IKBKB-DT: variants seen among roughly 807,000 people sequenced by gnomAD.
IKBKB-DT encodes the protein IKBKB divergent transcript.
chr8:42,244,322 G>A (rs1383836634), intron 3 of IKBKB-DT, among the ~76,000 whole-genome samples: 1 of 152,110 alleles, frequency 6.6e-6, no homozygotes, highest in Non-Finnish European at 1.5e-5. Flanking sequence ...GAAGATCTTG[G>A]AACAGAGCCC....
chr8:42,242,108 AG>A (rs1807012254), intron 3 of IKBKB-DT, among the ~76,000 whole-genome samples: 1 of 152,102 alleles, frequency 6.6e-6, no homozygotes, highest in Non-Finnish European at 1.5e-5. Context: ...TCAGCTACTC[AG>A]GAGGCTGAGG....
At chr8:42,253,174 TA>T (rs767914368) in intron 3 of IKBKB-DT, among the ~76,000 whole-genome samples, 31 of 152,242 alleles carry the variant, frequency 2.0e-4, no homozygotes, top group Middle Eastern at 3.2e-3. Flanking sequence ...CACAATCTTT[TA>T]TCTTAACCTG....
intron 3 of IKBKB-DT, among the ~76,000 whole-genome samples, chr8:42,234,013 A>G (rs145836665): frequency 0.015 from 2,308 of 152,198 alleles, 64 homozygotes; most frequent in African/African-American, 0.053. Flanking sequence ...CTAAACCATA[A>G]TTTCTAATCT....
intron 3 of IKBKB-DT, among the ~76,000 whole-genome samples, chr8:42,254,224 G>GT (rs370564351): frequency 1.3e-5 from 2 of 152,034 alleles, no homozygotes; most frequent in Admixed American, 1.3e-4. Flanking sequence ...GTGCATAATA[G>GT]TTTTTTTTAC....
At chr8:42,264,923 C>T (rs1000796496) in intron 2 of IKBKB-DT, among the ~76,000 whole-genome samples, 4 of 150,768 alleles carry the variant, frequency 2.7e-5, no homozygotes, top group South Asian at 2.1e-4. Flanking sequence ...AGTGCAATGG[C>T]GCCATCTCTG....
chr8:42,266,848 T>G (rs1391828418), intron 1 of IKBKB-DT, among the ~76,000 whole-genome samples: 3 of 151,860 alleles, frequency 2.0e-5, no homozygotes, highest in Non-Finnish European at 2.9e-5. Context: ...GTTACCCTAT[T>G]TGGTCTAAAA....
intron 3 of IKBKB-DT, among the ~76,000 whole-genome samples, chr8:42,244,870 C>T (rs1339972552): frequency 6.6e-6 from 1 of 152,188 alleles, no homozygotes; most frequent in Non-Finnish European, 1.5e-5. Context: ...GGAAAAAGCT[C>T]TTCTGTGGCA....
chr8:42,234,533 T>C (rs947517288), intron 3 of IKBKB-DT, among the ~76,000 whole-genome samples: 6 of 152,234 alleles, frequency 3.9e-5, no homozygotes, highest in African/African-American at 1.4e-4. Context: ...TGTGTCTGAC[T>C]GCATTTGCCT....
intron 3 of IKBKB-DT, among the ~76,000 whole-genome samples, chr8:42,237,525 T>C (rs769173173): frequency 1.3e-5 from 2 of 152,194 alleles, no homozygotes; most frequent in Non-Finnish European, 2.9e-5. Flanking sequence ...TTTCTAGGGT[T>C]CCCTTGGTCA....
chr8:42,251,828 C>CAAAAAA (rs59420104), intron 3 of IKBKB-DT, among the ~76,000 whole-genome samples: 8 of 91,462 alleles, frequency 8.7e-5, no homozygotes, highest in African/African-American at 3.1e-4. Context: ...GACTCCATCT[C>CAAAAAA]AAAAAAAAAA....
At position 42,261,307 on chromosome 8, in the gene IKBKB-DT, G is replaced by A. The variant is rs114937149; in HGVS notation, n.1529+2022C>T. On this transcript the variant is annotated intron_variant and non_coding_transcript_variant, in intron 3 of 3. Coordinates refer to ENST00000518213, the Ensembl canonical transcript of IKBKB-DT. ...CACGCAACTGCACTCCAGCCTGGGTGACAGTGAGACCCTATTCACCTCCCC... is the reference window on the plus strand; with the variant it reads ...CACGCAACTGCACTCCAGCCTGGGTAACAGTGAGACCCTATTCACCTCCCC... Among the ~76,000 whole-genome samples, 1,429 of 152,220 alleles carry A rather than the reference G, an allele frequency of 9.4e-3. 34 individuals are homozygous for A. Among genetic ancestry groups the A allele is most frequent in the African/African-American group, 0.032 (1,319 of 41,536 alleles).
At chr8:42,244,016 G>A (rs191495499) in intron 3 of IKBKB-DT, among the ~76,000 whole-genome samples, 14 of 152,318 alleles carry the variant, frequency 9.2e-5, no homozygotes, top group Admixed American at 2.6e-4. Context: ...CTGTATGCCC[G>A]ATTGTCTATA....
chr8:42,245,809 G>A (rs934984861), intron 3 of IKBKB-DT, among the ~76,000 whole-genome samples: 3 of 152,170 alleles, frequency 2.0e-5, no homozygotes, highest in Non-Finnish European at 2.9e-5. Context: ...ACTTTCTGAA[G>A]CAGCCATTTC....
chr8:42,237,015 C>T (rs1057461345), intron 3 of IKBKB-DT, among the ~76,000 whole-genome samples: 14 of 151,880 alleles, frequency 9.2e-5, no homozygotes, highest in African/African-American at 1.5e-4. Flanking sequence ...CCACCACACC[C>T]GGCCAATGTA....
At chr8:42,264,295 T>C (rs1215389722) in intron 2 of IKBKB-DT, among the ~76,000 whole-genome samples, 1 of 152,000 alleles carries the variant, frequency 6.6e-6, no homozygotes, top group African/African-American at 2.4e-5. Flanking sequence ...TAGCTGGGAC[T>C]ACAGGCACGA....
At chr8:42,237,793 A>C (rs894641279) in intron 3 of IKBKB-DT, among the ~76,000 whole-genome samples, 1 of 151,938 alleles carries the variant, frequency 6.6e-6, no homozygotes, top group Admixed American at 6.6e-5. Context: ...GGAGGCCAAG[A>C]CAGGAGGATT....
chr8:42,268,615 G>A (rs1035932178), intron 1 of IKBKB-DT, among the ~76,000 whole-genome samples: 2 of 149,518 alleles, frequency 1.3e-5, no homozygotes, highest in African/African-American at 4.9e-5. Flanking sequence ...CGCCCACGTT[G>A]TAGTGCACTG....
chr8:42,251,045 G>A (rs1337932756), intron 3 of IKBKB-DT, among the ~76,000 whole-genome samples: 1 of 116,846 alleles, frequency 8.6e-6, no homozygotes, highest in Non-Finnish European at 1.6e-5. Flanking sequence ...AGGAGCTCGA[G>A]ACCAGCCTGG....
At chr8:42,271,093 A>C in exon 1 of IKBKB-DT, 1 of 413,660 alleles carries the variant, frequency 2.4e-6, no homozygotes, top group African/African-American at 2.2e-5. Flanking sequence ...ACAGGGTGTA[A>C]CGGGGGTCAT....
Sources: gnomAD v4.1 joint callset for allele counts (sites outside exome capture counted in the v4.1 genomes callset) on GRCh38, gnomAD v4.1.1 for gene constraint, MANE v1.5 for transcripts, NCBI Gene and HGNC (gene_info 2026-07-23, HGNC 2026-07-21) for gene names.